MYT1L: variants seen among roughly 807,000 people sequenced by gnomAD.
MYT1L encodes the protein myelin transcription factor 1 like, also known as myelin transcription factor 1-like protein.
MYT1L carries 12 observed loss-of-function variants against 126.7 expected under a neutral mutation model. The ratio of observed to expected loss-of-function variants is 0.09; its 90% CI spans 0.06 to 0.15. The LOEUF (loss-of-function observed/expected upper bound fraction) is 0.15. Ranked by LOEUF, MYT1L falls within the 10% of genes least tolerant of loss-of-function variation. The probability of loss-of-function intolerance (pLI) is 1.00; values close to 1 mark genes in which losing one functional copy is unlikely to be tolerated. For synonymous variants in MYT1L, 541 were observed against 604.2 expected, an observed-to-expected ratio of 0.90 and a Z score of 1.53; for missense variants, 979 against 1,585.2, an observed-to-expected ratio of 0.62 and a Z score of 6.49.
intron 3 of MYT1L, among the ~76,000 whole-genome samples, chr2:2,135,739 C>T (rs1004352109): frequency 6.6e-6 from 1 of 152,208 alleles, no homozygotes; most frequent in Non-Finnish European, 1.5e-5. Context: ...GTGGTGACAG[C>T]ATGCCATCAT....
chr2:2,133,828 C>T (rs79311148), intron 3 of MYT1L, among the ~76,000 whole-genome samples: 2,309 of 152,198 alleles, frequency 0.015, 54 homozygotes, highest in African/African-American at 0.053. Flanking sequence ...CTCCACTATG[C>T]CCGGGTGCTT....
At chr2:1,808,242 T>C (rs1228937160) in intron 22 of MYT1L, among the ~76,000 whole-genome samples, 1 of 152,204 alleles carries the variant, frequency 6.6e-6, no homozygotes, top group Non-Finnish European at 1.5e-5. Flanking sequence ...TAATAGATAC[T>C]GTGGATTCCT....
intron 8 of MYT1L, among the ~76,000 whole-genome samples, chr2:1,962,162 C>A (rs1329749050): frequency 1.3e-5 from 2 of 152,030 alleles, no homozygotes; most frequent in Admixed American, 6.6e-5. Flanking sequence ...TGTACTAATA[C>A]CTTGCATGCA....
Position 2,131,549 on chromosome 2 carries a change from G to C in MYT1L, c.-304+41323C>G, listed in dbSNP as rs144361722. On this transcript the variant is annotated intron_variant, in intron 3 of 24. Coordinates refer to ENST00000647738, the MANE Select transcript of MYT1L (RefSeq NM_001303052.2). ...ATTAGCCTTTGGACATATGGTTACAGAGATGACAAAGCACATTAGTAACTA... is the reference window on the plus strand; with the variant it reads ...ATTAGCCTTTGGACATATGGTTACACAGATGACAAAGCACATTAGTAACTA... Among the ~76,000 whole-genome samples, 8 of 152,294 alleles carry C rather than the reference G, an allele frequency of 5.3e-5. No homozygotes were observed. In the East Asian group the frequency reaches 1.5e-3, roughly 29 times the overall value.
chr2:1,831,855 G>A (rs1242784831), intron 21 of MYT1L, among the ~76,000 whole-genome samples: 1 of 152,052 alleles, frequency 6.6e-6, no homozygotes, highest in African/African-American at 2.4e-5. Flanking sequence ...CTTCCCCCTG[G>A]ACCCCTGAGT....
chr2:2,294,722 A>G (rs2095646851), intron 1 of MYT1L, among the ~76,000 whole-genome samples: 2 of 152,188 alleles, frequency 1.3e-5, no homozygotes, highest in Non-Finnish European at 2.9e-5. Flanking sequence ...CATTCAGCCC[A>G]TTATTAAAGT....
chr2:2,328,516 T>C (rs182123445), intron 1 of MYT1L, among the ~76,000 whole-genome samples: 43 of 152,320 alleles, frequency 2.8e-4, no homozygotes, highest in African/African-American at 9.9e-4. Flanking sequence ...TCACAAATCA[T>C]TGGGCCTTTA....
chr2:1,868,456 G>A (rs2045872367), intron 18 of MYT1L, among the ~76,000 whole-genome samples: 1 of 152,164 alleles, frequency 6.6e-6, no homozygotes, highest in Non-Finnish European at 1.5e-5. Context: ...AGGAAGGAAG[G>A]AAGAAACCCT....
At chr2:1,924,815 A>G (rs2054015341) in intron 9 of MYT1L, among the ~76,000 whole-genome samples, 1 of 152,248 alleles carries the variant, frequency 6.6e-6, no homozygotes, top group Non-Finnish European at 1.5e-5. Flanking sequence ...AAAGAAAGAA[A>G]ATCAAACTAG....
intron 1 of MYT1L, among the ~76,000 whole-genome samples, chr2:2,328,097 A>C (rs2149740578): frequency 6.6e-6 from 1 of 152,342 alleles, no homozygotes; most frequent in East Asian, 1.9e-4. Flanking sequence ...AGTATTTATA[A>C]AAGCAGCTGA....
chr2:2,179,763 A>T (rs2091213590), intron 2 of MYT1L, among the ~76,000 whole-genome samples: 1 of 152,146 alleles, frequency 6.6e-6, no homozygotes, highest in Admixed American at 6.5e-5. Flanking sequence ...CCTAAGACTT[A>T]CCACCACCTT....
intron 3 of MYT1L, among the ~76,000 whole-genome samples, chr2:2,105,577 T>A (rs1219949158): frequency 2.6e-5 from 4 of 152,236 alleles, no homozygotes; most frequent in African/African-American, 7.2e-5. Flanking sequence ...AATTTTAAAA[T>A]GGATGTGTAT....
chr2:1,971,458 CA>C (rs1364956419), intron 8 of MYT1L, among the ~76,000 whole-genome samples: 1 of 152,182 alleles, frequency 6.6e-6, no homozygotes, highest in Non-Finnish European at 1.5e-5. Context: ...GGGCCGGGCA[CA>C]GTGGCTCATG....
intron 2 of MYT1L, among the ~76,000 whole-genome samples, chr2:2,197,739 A>G (rs188870509): frequency 7.6e-4 from 113 of 148,794 alleles, no homozygotes; most frequent in Admixed American, 3.7e-3. Flanking sequence ...ACACACACAT[A>G]TATACACACA....
At chr2:1,854,544 A>G (rs902708120) in intron 18 of MYT1L, among the ~76,000 whole-genome samples, 1 of 152,246 alleles carries the variant, frequency 6.6e-6, no homozygotes, top group Non-Finnish European at 1.5e-5. Flanking sequence ...ATTAGGTTTC[A>G]GTAAAAAAAG....
At chr2:2,065,206 AAAAC>A (rs555849737) in intron 3 of MYT1L, among the ~76,000 whole-genome samples, 462 of 152,302 alleles carry the variant, frequency 3.0e-3, no homozygotes, top group African/African-American at 0.01. Context: ...TCAAAAAAAG[AAAAC>A]AAACAAAAAA....
intron 3 of MYT1L, among the ~76,000 whole-genome samples, chr2:2,096,934 T>C (rs1163325961): frequency 6.6e-6 from 1 of 152,120 alleles, no homozygotes. Context: ...TAAAGTGTCG[T>C]CTTCACAGTG....
chr2:2,249,561 A>G (rs1266763358), intron 2 of MYT1L, among the ~76,000 whole-genome samples: 1 of 152,146 alleles, frequency 6.6e-6, no homozygotes, highest in Non-Finnish European at 1.5e-5. Context: ...TAAGACCTCA[A>G]ACTATGAAAG....
In MYT1L at chr2:2,098,306, T is replaced by C. The variant is rs2077672687; in HGVS notation, c.-303-44183A>G. On this transcript the variant is annotated intron_variant, in intron 3 of 24. Coordinates refer to ENST00000647738, the MANE Select transcript of MYT1L (RefSeq NM_001303052.2). The stretch of plus-strand genomic sequence containing the variant: ...ACAGATGTCTTTTCAACAACACCAA[T>C]AATTTATGCTTTTTAAAGGGTCTGA... Among the ~76,000 whole-genome samples, 4 of 152,226 alleles carry C rather than the reference T, an allele frequency of 2.6e-5. 1 individual carries two copies. The South Asian group carries it at 6.2e-4, about 24-fold the overall frequency.
Sources: allele counts gnomAD v4.1 joint callset (sites outside exome capture counted in the v4.1 genomes callset), GRCh38; gene constraint gnomAD v4.1.1; transcripts MANE v1.5; gene names NCBI Gene and HGNC (gene_info 2026-07-23, HGNC 2026-07-21).